The following ADGRB3 variants were observed in gnomAD, a reference collection of about 807,000 sequenced individuals.
ADGRB3 encodes the protein adhesion G protein-coupled receptor B3.
ADGRB3 carries 37 observed loss-of-function variants against 193.4 expected under a neutral mutation model. That is an observed-to-expected ratio of 0.19 (90% CI 0.15 to 0.25). The LOEUF is 0.25. ADGRB3 is among the 10% of genes least tolerant of loss of function. The pLI is 1.00. For synonymous variants in ADGRB3, 690 were observed against 644.2 expected (o/e 1.07, Z -1.08); for missense variants, 1,637 against 1,852.9 (o/e 0.88, Z 2.14).
chr6:68,805,089 G>A (rs530793288), intron 3 of ADGRB3, among the ~76,000 whole-genome samples: 3 of 151,794 alleles, frequency 2.0e-5, no homozygotes, highest in South Asian at 2.1e-4. Flanking sequence ...CATCATACCC[G>A]GCTATTTTAT....
intron 3 of ADGRB3, among the ~76,000 whole-genome samples, chr6:68,757,272 C>G (rs1485052769): frequency 6.6e-6 from 1 of 152,076 alleles, no homozygotes; most frequent in African/African-American, 2.4e-5. Context: ...CCTAAATTCC[C>G]TCTTGCTGTG....
At chr6:69,104,548 A>G (rs1773156891) in intron 17 of ADGRB3, among the ~76,000 whole-genome samples, 1 of 151,908 alleles carries the variant, frequency 6.6e-6, no homozygotes, top group Non-Finnish European at 1.5e-5. Flanking sequence ...TTTTTGTTTT[A>G]TTAGATTTTT....
intron 17 of ADGRB3, among the ~76,000 whole-genome samples, chr6:69,154,177 T>TC (rs1275255406): frequency 1.3e-5 from 2 of 152,070 alleles, no homozygotes; most frequent in Non-Finnish European, 2.9e-5. Flanking sequence ...ATATATTGTC[T>TC]CCATCACAGA....
chr6:69,294,061 G>A (rs899988301), intron 20 of ADGRB3, among the ~76,000 whole-genome samples: 22 of 152,002 alleles, frequency 1.4e-4, no homozygotes, highest in African/African-American at 5.3e-4. Flanking sequence ...TTCCCTCTTC[G>A]TCTCCTCAGC....
At chr6:69,365,595 A>G (rs936624847) in intron 29 of ADGRB3, among the ~76,000 whole-genome samples, 6 of 152,074 alleles carry the variant, frequency 3.9e-5, no homozygotes, top group African/African-American at 1.2e-4. Flanking sequence ...ATAACTGATA[A>G]CAGTTAGATA....
At chr6:68,701,954 C>T (rs894872869) in intron 3 of ADGRB3, among the ~76,000 whole-genome samples, 1 of 151,996 alleles carries the variant, frequency 6.6e-6, no homozygotes, top group Non-Finnish European at 1.5e-5. Flanking sequence ...TTTCAAGCTA[C>T]GGGATACAGG....
chr6:68,746,350 C>G (rs1362340917), intron 3 of ADGRB3, among the ~76,000 whole-genome samples: 1 of 151,836 alleles, frequency 6.6e-6, no homozygotes, highest in Non-Finnish European at 1.5e-5. Flanking sequence ...CCTTAATTTA[C>G]TTATCCCTTT....
chr6:69,280,184 TA>T (rs963318225), intron 20 of ADGRB3, among the ~76,000 whole-genome samples: 16 of 152,214 alleles, frequency 1.1e-4, no homozygotes, highest in African/African-American at 3.9e-4. Context: ...TTCCTCATTA[TA>T]ATGGAAGCCC....
chr6:69,115,027 G>A (rs1773489227), intron 17 of ADGRB3, among the ~76,000 whole-genome samples: 1 of 152,176 alleles, frequency 6.6e-6, no homozygotes, highest in African/African-American at 2.4e-5. Context: ...CATTGTGGAG[G>A]ACAGTGTGGC....
intron 3 of ADGRB3, among the ~76,000 whole-genome samples, chr6:68,735,318 G>A (rs1361557162): frequency 6.6e-6 from 1 of 151,794 alleles, no homozygotes; most frequent in Non-Finnish European, 1.5e-5. Flanking sequence ...AGTTTCATCA[G>A]TGCTTGGAAT....
intron 8 of ADGRB3, among the ~76,000 whole-genome samples, chr6:68,961,658 A>C (rs935566426): frequency 6.6e-6 from 1 of 152,164 alleles, no homozygotes. Context: ...GAATGTAATC[A>C]TTATTAGAAA....
At chr6:68,911,256 G>A (rs142509972) in intron 3 of ADGRB3, among the ~76,000 whole-genome samples, 1,925 of 132,902 alleles carry the variant, frequency 0.014, 47 homozygotes, top group African/African-American at 0.047. Flanking sequence ...ATCACACACC[G>A]GGGCCTGTTG....
chr6:68,646,734 G>T (rs774726857), intron 3 of ADGRB3, among the ~76,000 whole-genome samples: 12 of 152,146 alleles, frequency 7.9e-5, no homozygotes, highest in Admixed American at 2.6e-4. Context: ...GAGTAACTAT[G>T]TGATGCTACA....
At chr6:69,162,037 G>T (rs568475595) in intron 17 of ADGRB3, among the ~76,000 whole-genome samples, 2 of 152,210 alleles carry the variant, frequency 1.3e-5, no homozygotes, top group African/African-American at 4.8e-5. Flanking sequence ...CACTCAGTGG[G>T]AAGGGGTTCG....
At chr6:68,674,515 G>T (rs998551584) in intron 3 of ADGRB3, among the ~76,000 whole-genome samples, 2 of 152,048 alleles carry the variant, frequency 1.3e-5, no homozygotes, top group Admixed American at 1.3e-4. Context: ...GCGTGACAAA[G>T]CAAATACAAA....
intron 17 of ADGRB3, among the ~76,000 whole-genome samples, chr6:69,098,368 T>A (rs1772943977): frequency 6.6e-6 from 1 of 152,214 alleles, no homozygotes. Flanking sequence ...ACTTATTATG[T>A]ATTAACTTGA....
intron 3 of ADGRB3, among the ~76,000 whole-genome samples, chr6:68,744,506 G>A (rs558645087): frequency 6.6e-6 from 1 of 152,236 alleles, no homozygotes; most frequent in South Asian, 2.1e-4. Context: ...ATCATTGATA[G>A]ACTGGGTAAA....
intron 13 of ADGRB3, among the ~76,000 whole-genome samples, chr6:69,026,011 G>T (rs575857432): frequency 6.6e-6 from 1 of 152,274 alleles, no homozygotes; most frequent in Non-Finnish European, 1.5e-5. Flanking sequence ...TAGTATAATA[G>T]ATTGGTAATG....
intron 3 of ADGRB3, among the ~76,000 whole-genome samples, chr6:68,810,848 G>A (rs1275057369): frequency 2.0e-5 from 3 of 152,002 alleles, no homozygotes; most frequent in Admixed American, 6.6e-5. Flanking sequence ...AAAACACAAG[G>A]CAATGGACAC....
Sources: allele counts gnomAD v4.1 joint callset (sites outside exome capture counted in the v4.1 genomes callset), GRCh38; gene constraint gnomAD v4.1.1; transcripts MANE v1.5; gene names NCBI Gene and HGNC (gene_info 2026-07-23, HGNC 2026-07-21).